The following COL6A5 variants were observed in gnomAD, a reference collection of about 807,000 sequenced individuals.
COL6A5 encodes the protein collagen type VI alpha 5 chain.
In COL6A5, 48 loss-of-function variants were observed where a neutral mutation model predicts 65.6. The ratio of observed to expected loss-of-function variants is 0.73; its 90% CI spans 0.58 to 0.93. The LOEUF (loss-of-function observed/expected upper bound fraction) is 0.93. Among genes scored for constraint, COL6A5 ranks in the 40% least tolerant of loss-of-function variants. COL6A5 has a pLI of 0.00. For missense variants in COL6A5, 914 were observed against 928.3 expected (o/e 0.98, Z 0.20); for synonymous variants, 291 against 322.8 (o/e 0.90, Z 1.05).
intron 12 of COL6A5, 34 bp downstream of exon 12, chr3:130,401,888 G>A (rs900165777): frequency 4.0e-5 from 59 of 1,477,556 alleles, no homozygotes; most frequent in Non-Finnish European, 5.3e-5. Context: ...TTTATCTAAT[G>A]TGCCTTGATT....
intron 8 of COL6A5, among the ~76,000 whole-genome samples, chr3:130,396,504 C>A (rs1220246976): frequency 6.6e-6 from 1 of 152,226 alleles, no homozygotes; most frequent in African/African-American, 2.4e-5. Flanking sequence ...TGGGCAGGAT[C>A]AGAATAACCA....
rs138154524 is a variant in COL6A5, at chr3:130,461,180, C to T, written c.1544+5514C>T. Among the ~76,000 whole-genome samples the T allele has an allele frequency of 2.7e-3, 415 of 152,036 alleles. 3 individuals are homozygous for T. The highest frequency in any genetic ancestry group is 9.3e-3 in the African/African-American group (384 of 41,494). On this transcript the variant is annotated intron_variant, in intron 5 of 7. Transcript: ENST00000512836. ...TAAGCTCTGTCTTCAAGAAGCTTTT[C>T]GTCTGTCAGGTATATTCTGTGTGTA... is the stretch of plus-strand genomic sequence containing the variant.
rs1295770406 is a variant in COL6A5, at chr3:130,395,126, A to G, written c.3229A>G (p.Lys1077Glu). The stretch of plus-strand genomic sequence containing the variant: ...GAAGACTCAAATTCAGAATGTCTCC[A>G]AGAGCGGTGGATTTCCAAGAATTGA... Residue 1077 changes from lysine to glutamate, a missense_variant and NMD_transcript_variant, in exon 8 of 42, where the codon AAG becomes GAG. Lys to Glu is a moderately conservative substitution (Grantham distance 56). Coordinates refer to the COL6A5 transcript ENST00000312481. The G allele has an allele frequency of 6.4e-7, 1 of 1,551,726 alleles. No homozygotes were observed. Among genetic ancestry groups the G allele is most frequent in the Non-Finnish European group, 8.7e-7 (1 of 1,146,980 alleles).
chr3:130,431,385 C>G, upstream of COL6A5: 1 of 1,474,898 alleles, frequency 6.8e-7, no homozygotes, highest in Non-Finnish European at 9.2e-7. Context: ...TGTATGAACC[C>G]ACTTCATTGG....
At chr3:130,398,466 T>C (rs1936695346) in intron 10 of COL6A5, among the ~76,000 whole-genome samples, 1 of 152,194 alleles carries the variant, frequency 6.6e-6, no homozygotes. Context: ...TGGAATATGC[T>C]TAACAAGTCT....
At chr3:130,472,420 G>A (rs1709974145) in intron 7 of COL6A5, among the ~76,000 whole-genome samples, 1 of 152,018 alleles carries the variant, frequency 6.6e-6, no homozygotes, top group Admixed American at 6.6e-5. Context: ...GAGACTGTGG[G>A]CAGCTCCATA....
At chr3:130,477,005 GA>G in intron 7 of COL6A5, 1 of 1,067,642 alleles carries the variant, frequency 9.4e-7, no homozygotes, top group Admixed American at 2.0e-5. Flanking sequence ...TAATGACTGA[GA>G]ATCACTGAGT....
rs554022658 is a variant in COL6A5 at position 130,415,080 on chromosome 3, C to A, written c.4762-565C>A. 9.2e-5 allele frequency among the ~76,000 whole-genome samples: 14 copies of A among 152,194 alleles called. No homozygotes were observed. In the East Asian group the frequency reaches 2.3e-3, roughly 25 times the overall value. On this transcript the variant is annotated intron_variant and NMD_transcript_variant, in intron 22 of 41. Coordinates refer to the COL6A5 transcript ENST00000312481. ...CAAGGCTCACCTGATGGCTCCTGGG[C>A]AGCCCAGGGCCAGTTCACAGCTGGT...
upstream of COL6A5, chr3:130,431,183 A>G (rs1577502500): frequency 1.5e-6 from 1 of 674,652 alleles, no homozygotes; most frequent in East Asian, 2.8e-5. Flanking sequence ...CATCAGCTCA[A>G]GAACTCCCAC....
At chr3:130,429,866 C>T (rs552104802), upstream of COL6A5, among the ~76,000 whole-genome samples, 1 of 152,264 alleles carries the variant, frequency 6.6e-6, no homozygotes, top group East Asian at 1.9e-4. Flanking sequence ...AAACATGGCT[C>T]TCTGACTAAT....
chr3:130,416,771 A>C, exon 24 of COL6A5: 1 of 1,535,984 alleles, frequency 6.5e-7, no homozygotes, highest in South Asian at 1.2e-5. Flanking sequence ...CTCCTGGGCT[A>C]ATGGGAGCTA....
intron 13 of COL6A5, among the ~76,000 whole-genome samples, chr3:130,405,062 A>G (rs1281167468): frequency 6.6e-6 from 1 of 152,230 alleles, no homozygotes; most frequent in Non-Finnish European, 1.5e-5. Flanking sequence ...TCACCCCTGC[A>G]CGGATAGTCT....
chr3:130,437,706 C>T (rs1709066120), intron 1 of COL6A5, among the ~76,000 whole-genome samples: 1 of 152,102 alleles, frequency 6.6e-6, no homozygotes, highest in Non-Finnish European at 1.5e-5. Context: ...CTGATCCTCA[C>T]ACAAGCTAGG....
intron 5 of COL6A5, among the ~76,000 whole-genome samples, chr3:130,459,050 G>C (rs1709642207): frequency 6.6e-6 from 1 of 152,064 alleles, no homozygotes; most frequent in Non-Finnish European, 1.5e-5. Context: ...GTATTAACCA[G>C]TACTTAAGAT....
intron 12 of COL6A5, among the ~76,000 whole-genome samples, 177 bp from the exon 13 acceptor site, chr3:130,403,432 T>G (rs1176677165): frequency 6.6e-6 from 1 of 152,026 alleles, no homozygotes; most frequent in Non-Finnish European, 1.5e-5. Context: ...CAGAGCTGAG[T>G]GCAAGGACAA....
intron 1 of COL6A5, among the ~76,000 whole-genome samples, chr3:130,357,723 T>G (rs1022452112): frequency 6.6e-6 from 1 of 152,228 alleles, no homozygotes; most frequent in African/African-American, 2.4e-5. Context: ...AAAGCATATG[T>G]GATCATTGTA....
At chr3:130,358,117 A>T (rs1023958554) in intron 1 of COL6A5, among the ~76,000 whole-genome samples, 1 of 152,104 alleles carries the variant, frequency 6.6e-6, no homozygotes, top group African/African-American at 2.4e-5. Context: ...TGAACCTGGG[A>T]GGCGGAGCTT....
intron 7 of COL6A5, among the ~76,000 whole-genome samples, chr3:130,479,504 T>C (rs1188171800): frequency 6.6e-6 from 1 of 152,108 alleles, no homozygotes; most frequent in East Asian, 1.9e-4. Flanking sequence ...GAAAGAGCTG[T>C]ATCTTGGAAT....
chr3:130,426,502 C>G, upstream of COL6A5: 3 of 1,207,000 alleles, frequency 2.5e-6, no homozygotes, highest in Non-Finnish European at 3.6e-6. Flanking sequence ...GATGAGTTCA[C>G]TGGTGGGAAG....
Sources: allele counts gnomAD v4.1 joint callset (sites outside exome capture counted in the v4.1 genomes callset), GRCh38; gene constraint gnomAD v4.1.1; transcripts MANE v1.5; gene names NCBI Gene and HGNC (gene_info 2026-07-23, HGNC 2026-07-21).